Variants in ZNF557 observed in about 807,000 individuals in gnomAD.
ZNF557 encodes zinc finger protein 557.
ZNF557 carries 19 observed loss-of-function variants against 21.2 expected under a neutral mutation model. The observed-to-expected ratio is 0.90, with a 90% CI of 0.63 to 1.32. The LOEUF (loss-of-function observed/expected upper bound fraction) is 1.32. ZNF557 is among the 40% of genes most tolerant of loss of function. The probability of loss-of-function intolerance (pLI) is 0.00; values close to 1 mark genes in which losing one functional copy is unlikely to be tolerated. For missense variants in ZNF557, 487 were observed against 519.8 expected (o/e 0.94, Z 0.61); for synonymous variants, 207 against 194.8 (o/e 1.06, Z -0.52).
At chr19:7,080,565 G>A (rs1332540822) in intron 5 of ZNF557, among the ~76,000 whole-genome samples, 1 of 152,132 alleles carries the variant, frequency 6.6e-6, no homozygotes, top group Non-Finnish European at 1.5e-5. Context: ...GCCCATCAGG[G>A]AGCCAGCAGA....
chr19:7,087,277 A>ACG lies in ZNF557; in HGVS notation c.*3535_*3536dup, dbSNP rs1257334531. 8.3e-6 allele frequency: 1 copy of ACG among 120,666 alleles called. No homozygotes were observed. Among genetic ancestry groups the ACG allele is most frequent in the African/African-American group, 3.2e-5 (1 of 31,024 alleles). The allele number at this position is 120,666 out of a possible 1,614,324, so 7.5% of individuals were successfully genotyped here. On this transcript the variant is annotated 3_prime_UTR_variant, in exon 8 of 8. Transcript: ENST00000252840. The stretch of plus-strand genomic sequence containing the variant: ...GTGCAGGGGCTGGGCGTGGTGGCTC[A>ACG]CGCCTGTAATCCCACCACTTTGGGA...
intron 5 of ZNF557, among the ~76,000 whole-genome samples, chr19:7,078,053 C>T (rs896601346): frequency 6.6e-6 from 1 of 152,132 alleles, no homozygotes; most frequent in South Asian, 2.1e-4. Flanking sequence ...CATCCTAGAC[C>T]TTTATCAAAT....
rs1977456183 is a variant in ZNF557, at chr19:7,071,497, A to T, written c.-80+844A>T. ...AAGCCCTGCTGGGCGGCATTGTTCT[A>T]GTCTCTTCCCATCTGTCCATTGCAA... On this transcript the variant is annotated intron_variant, in intron 2 of 7. Transcript: ENST00000252840. 2.6e-5 allele frequency among the ~76,000 whole-genome samples: 4 copies of T among 152,202 alleles called. No individual in the cohort carries two copies. In the South Asian group the frequency reaches 8.3e-4, roughly 31 times the overall value.
chr19:7,074,523 A>G (rs2967645), intron 2 of ZNF557, among the ~76,000 whole-genome samples: 106,853 of 150,572 alleles, frequency 0.71, 38,048 homozygotes, highest in Middle Eastern at 0.76. Flanking sequence ...ATCTTACACA[A>G]CTTTTACATT....
chr19:7,084,206 T>C lies in ZNF557; in HGVS notation c.*462T>C, dbSNP rs891496133. The C allele has an allele frequency of 6.0e-6, 1 of 167,524 alleles. No individual in the cohort carries two copies. Among genetic ancestry groups the C allele is most frequent in the African/African-American group, 2.4e-5 (1 of 41,532 alleles). The allele number at this position is 167,524 out of a possible 1,614,324, so 10.4% of individuals were successfully genotyped here. A position where few individuals can be genotyped will look rare whatever the true frequency, so the allele number is the denominator to read the frequency against. ...CTTTTATGACCTAGCTTCAGTGAGA[T>C]ATGTTTTCATGTCCCTGTTACATTG... is the stretch of plus-strand genomic sequence containing the variant. On this transcript the variant is annotated 3_prime_UTR_variant, in exon 8 of 8. Coordinates refer to ENST00000252840, the MANE Select transcript of ZNF557 (RefSeq NM_024341.3).
chr19:7,079,051 C>G (rs1312488843), intron 5 of ZNF557, among the ~76,000 whole-genome samples: 2 of 151,880 alleles, frequency 1.3e-5, no homozygotes, highest in Non-Finnish European at 2.9e-5. Context: ...ATGATTTTCT[C>G]TATTTGGTGA....
rs146329106 is a variant in ZNF557, at chr19:7,076,246, A to G, written c.121-135A>G. The G allele has an allele frequency of 7.3e-4, 1,152 of 1,574,676 alleles. 4 individuals carry two copies. The African/African-American group carries it at 0.012, about 17-fold the overall frequency. On this transcript the variant is annotated intron_variant, in intron 4 of 7. Transcript: ENST00000252840. ...GCCAGGGAGAAGAGCTCAGAACCTCAGGAGAGGAGCTCAGAATCCCCCCAC... is the reference window on the plus strand; with the variant it reads ...GCCAGGGAGAAGAGCTCAGAACCTCGGGAGAGGAGCTCAGAATCCCCCCAC...
chr19:7,069,723 C>T lies in ZNF557; in HGVS notation c.-222C>T, dbSNP rs537900581. 6.6e-6 allele frequency: 1 copy of T among 152,392 alleles called. No individual in the cohort carries two copies. Among genetic ancestry groups the T allele is most frequent in the South Asian group, 2.1e-4 (1 of 4,832 alleles). 9.4% of individuals were successfully genotyped at this position (152,392 alleles called of 1,614,324 possible). On this transcript the variant is annotated 5_prime_UTR_variant, in exon 1 of 8. Transcript: ENST00000252840. ...CTTGTGTCTTGTGAGAAGAGCCGCGCTTGCAGCGTCTGGGAGAATCTTTCG... is the reference window on the plus strand; with the variant it reads ...CTTGTGTCTTGTGAGAAGAGCCGCGTTTGCAGCGTCTGGGAGAATCTTTCG...
chr19:7,082,742 C>T (rs961131972), intron 7 of ZNF557, 136 bp from the exon 8 acceptor site: 15 of 758,754 alleles, frequency 2.0e-5, no homozygotes, highest in Middle Eastern at 3.8e-4. Context: ...AGCCATGTAC[C>T]AGCACTCATG....
At position 7,070,987 on chromosome 19, in the gene ZNF557, A is replaced by T. The variant is rs552566418; in HGVS notation, c.-80+334A>T. Among the ~76,000 whole-genome samples the T allele has an allele frequency of 2.0e-5, 3 of 152,204 alleles. No individual in the cohort carries two copies. In the East Asian group the frequency reaches 5.8e-4, roughly 29 times the overall value. On this transcript the variant is annotated intron_variant, in intron 2 of 7. Transcript: ENST00000252840. Reference sequence around the variant, plus strand: ...TGCCATGTTGGCCAGGCTGGTCTCGAACTCCTGACTTCAGGTGATCCACCC... The same window carrying T: ...TGCCATGTTGGCCAGGCTGGTCTCGTACTCCTGACTTCAGGTGATCCACCC...
intron 2 of ZNF557, among the ~76,000 whole-genome samples, chr19:7,071,202 G>GT (rs113338034): frequency 2.2e-4 from 34 of 151,246 alleles, no homozygotes; most frequent in Non-Finnish European, 4.1e-4. Context: ...CTATTTAAAA[G>GT]TTTTTTTTTC....
At chr19:7,082,405 G>T (rs918893002) in intron 7 of ZNF557, among the ~76,000 whole-genome samples, 1 of 121,740 alleles carries the variant, frequency 8.2e-6, no homozygotes, top group Non-Finnish European at 1.6e-5. Flanking sequence ...CCTGGCGACA[G>T]AGCAAGACTC....
At chr19:7,071,542 G>A (rs1035174107) in intron 2 of ZNF557, among the ~76,000 whole-genome samples, 8 of 152,154 alleles carry the variant, frequency 5.3e-5, no homozygotes, top group Non-Finnish European at 8.8e-5. Context: ...AACGGCTATT[G>A]TAAAAGATAA....
At chr19:7,078,623 G>C (rs1488210161) in intron 5 of ZNF557, among the ~76,000 whole-genome samples, 1 of 151,864 alleles carries the variant, frequency 6.6e-6, no homozygotes, top group African/African-American at 2.4e-5. Context: ...GTAGAGACAG[G>C]GTTTCACCAT....
chr19:7,080,356 C>G (rs1370086965), intron 5 of ZNF557, among the ~76,000 whole-genome samples: 2 of 152,132 alleles, frequency 1.3e-5, no homozygotes, highest in African/African-American at 4.8e-5. Flanking sequence ...GCATCTTGTT[C>G]CCAACTTCTC....
In ZNF557 at chr19:7,084,997, C is replaced by G. The variant is rs1016538933; in HGVS notation, c.*1253C>G. On this transcript the variant is annotated 3_prime_UTR_variant, in exon 8 of 8. Transcript: ENST00000252840. Reference sequence around the variant, plus strand: ...ATACACAGTGTTGAAAAGCCTGTGACACAAACAGTCATATTACCAAGCACA... The same window carrying G: ...ATACACAGTGTTGAAAAGCCTGTGAGACAAACAGTCATATTACCAAGCACA... 9 of 152,076 alleles carry G rather than the reference C, an allele frequency of 5.9e-5. No homozygotes were observed. The highest frequency in any genetic ancestry group is 2.0e-4 in the Admixed American group (3 of 15,260). The allele number at this position is 152,076 out of a possible 1,614,324, so 9.4% of individuals were successfully genotyped here.
intron 5 of ZNF557, among the ~76,000 whole-genome samples, chr19:7,080,096 G>A (rs1452330333): frequency 6.6e-6 from 1 of 152,172 alleles, no homozygotes; most frequent in African/African-American, 2.4e-5. Flanking sequence ...GAGGTCAGGA[G>A]TTGGAGACCA....
At chr19:7,082,791 A>G in intron 7 of ZNF557, 87 bp from the exon 8 acceptor site, 2 of 1,371,730 alleles carry the variant, frequency 1.5e-6, no homozygotes, top group Non-Finnish European at 2.0e-6. Context: ...GATACACAAC[A>G]GAATTCCTGG....
In ZNF557 at chr19:7,082,898, A is replaced by G. The variant is rs370454440; in HGVS notation, c.447A>G (p.Ala149=). ...AATAGGAGAGGAATCATCTTGGAGCAACACTCAACGAATGTAATCAGTGTT... is the reference window on the plus strand; with the variant it reads ...AATAGGAGAGGAATCATCTTGGAGCGACACTCAACGAATGTAATCAGTGTT... ...NMKMERNHLG[A]TLNECNQCFK... Residue 149 remains alanine (A), a synonymous_variant, in exon 8 of 8, where the codon GCA becomes GCG. Coordinates refer to ENST00000252840, the MANE Select transcript of ZNF557 (RefSeq NM_024341.3). 12 of 1,590,080 alleles carry G rather than the reference A, an allele frequency of 7.5e-6. No homozygotes were observed. The highest frequency in any genetic ancestry group is 1.0e-5 in the Non-Finnish European group (12 of 1,166,730).
Sources: allele counts gnomAD v4.1 joint callset (sites outside exome capture counted in the v4.1 genomes callset), GRCh38; gene constraint gnomAD v4.1.1; transcripts MANE v1.5; gene names NCBI Gene and HGNC (gene_info 2026-07-23, HGNC 2026-07-21).